Variants in HDHD2 observed in about 807,000 individuals in gnomAD.
HDHD2 encodes haloacid dehalogenase-like hydrolase domain-containing protein 2.
HDHD2 carries 26 observed loss-of-function variants against 24.8 expected under a neutral mutation model. That is an observed-to-expected ratio of 1.05 (90% CI 0.77 to 1.45). The LOEUF is 1.45. Ranked by LOEUF, HDHD2 falls within the 40% of genes most tolerant of loss-of-function variation. The pLI, the probability that HDHD2 is intolerant of heterozygous loss-of-function variation, is 0.00. For missense variants in HDHD2, 299 were observed against 313.4 expected (o/e 0.95, Z 0.35); for synonymous variants, 128 against 114.9 (o/e 1.11, Z -0.73).
At chr18:47,148,179 C>T (rs745736673) in intron 1 of HDHD2, among the ~76,000 whole-genome samples, 3 of 151,982 alleles carry the variant, frequency 2.0e-5, no homozygotes, top group East Asian at 1.9e-4. Flanking sequence ...TTAGTAGAGA[C>T]GGGGTTTCAC....
At chr18:47,120,274 G>T (rs2063593557) in intron 4 of HDHD2, among the ~76,000 whole-genome samples, 1 of 152,200 alleles carries the variant, frequency 6.6e-6, no homozygotes, top group Non-Finnish European at 1.5e-5. Context: ...CTTCATCAAT[G>T]ATCTTAGCTA....
rs113977677 is a variant in HDHD2 at position 47,134,664 on chromosome 18, T to C, written c.142A>G (p.Thr48Ala). 1 of 1,614,164 alleles carries C rather than the reference T, an allele frequency of 6.2e-7. No individual in the cohort carries two copies. Among genetic ancestry groups the C allele is most frequent in the Non-Finnish European group, 8.5e-7 (1 of 1,180,006 alleles). ...AGGTCTTGCTTGCTCTCTTTGGTTG[T>C]ATTGGTCACAAACCTAATGATTACA... Reference protein sequence around the residue: ...ASVIIRFVTNTTKESKQDLLE... With the variant: ...ASVIIRFVTNATKESKQDLLE... Residue 48 changes from threonine (T) to alanine (A), a missense_variant, in exon 3 of 7, where the codon ACA becomes GCA. Transcript: ENST00000300605.
rs1031614789 is a variant in HDHD2 at position 47,108,071 on chromosome 18, C to T, written c.*611G>A. ...AATCTGGTTCTAAATTTAAATTAGT[C>T]ATCTCTGGCTAATGAAGAGAAAAAG... is the stretch of plus-strand genomic sequence containing the variant. On this transcript the variant is annotated 3_prime_UTR_variant, in exon 7 of 7. Coordinates refer to ENST00000300605, the MANE Select transcript of HDHD2 (RefSeq NM_032124.5). 5.2e-5 allele frequency: 8 copies of T among 152,620 alleles called. No individual in the cohort carries two copies. The highest frequency in any genetic ancestry group is 2.9e-5 in the Non-Finnish European group (2 of 68,040). 9.5% of individuals were successfully genotyped at this position (152,620 alleles called of 1,614,324 possible). A position where few individuals can be genotyped will look rare whatever the true frequency, so the allele number is the denominator to read the frequency against.
At chr18:47,137,359 T>A in intron 1 of HDHD2, 1 of 319,390 alleles carries the variant, frequency 3.1e-6, no homozygotes, top group Non-Finnish European at 6.0e-6. Context: ...AAGCTTACAT[T>A]CTCAATCAGA....
At chr18:47,122,889 T>A (rs56158609) in intron 4 of HDHD2, among the ~76,000 whole-genome samples, 1,743 of 147,112 alleles carry the variant, frequency 0.012, 11 homozygotes, top group African/African-American at 0.022. Flanking sequence ...AATCAGAATT[T>A]AAAAAAAAAA....
At chr18:47,134,767 C>G (rs2063747854) in intron 2 of HDHD2, 63 bp from the exon 3 acceptor site, 7 of 1,345,054 alleles carry the variant, frequency 5.2e-6, no homozygotes, top group Non-Finnish European at 7.3e-6. Flanking sequence ...ATAAAATCTC[C>G]TAATTTGTTA....
chr18:47,110,036 C>T (rs1462066580), intron 6 of HDHD2: 13 of 985,272 alleles, frequency 1.3e-5, no homozygotes, highest in Non-Finnish European at 8.4e-6. Context: ...TGCCTCTGCC[C>T]TTCACCTTTC....
At chr18:47,145,392 T>C (rs1451365411) in intron 1 of HDHD2, among the ~76,000 whole-genome samples, 1 of 152,204 alleles carries the variant, frequency 6.6e-6, no homozygotes, top group East Asian at 1.9e-4. Context: ...GGTCTTGTAA[T>C]TAATTAAAAT....
intron 1 of HDHD2, among the ~76,000 whole-genome samples, chr18:47,137,974 G>A (rs558661067): frequency 2.0e-4 from 31 of 151,518 alleles, no homozygotes; most frequent in African/African-American, 6.5e-4. Context: ...CGAGACCAGC[G>A]TGGTAAAACC....
At chr18:47,147,990 C>CTTTTTTTT (rs11390608) in intron 1 of HDHD2, among the ~76,000 whole-genome samples, 1 of 137,996 alleles carries the variant, frequency 7.2e-6, no homozygotes, top group African/African-American at 2.7e-5. Flanking sequence ...TTTTTTCTTT[C>CTTTTTTTT]TTTTTTTTTT....
intron 3 of HDHD2, among the ~76,000 whole-genome samples, chr18:47,131,091 C>T (rs1355219022): frequency 2.6e-5 from 4 of 152,134 alleles, no homozygotes; most frequent in Non-Finnish European, 5.9e-5. Flanking sequence ...ATTCTCCTGC[C>T]TCAGCCTCCA....
At chr18:47,148,603 TC>T (rs1475373549) in intron 1 of HDHD2, among the ~76,000 whole-genome samples, 1 of 152,202 alleles carries the variant, frequency 6.6e-6, no homozygotes, top group African/African-American at 2.4e-5. Flanking sequence ...GGCATCTCAA[TC>T]CAAGTCCTTT....
In HDHD2 at chr18:47,134,683, G is replaced by T; in HGVS notation, c.123C>A (p.Ile41=). The change falls in exon 3 of 7, where the codon ATC becomes ATA. Residue 41 remains isoleucine (I), a synonymous_variant. Transcript: ENST00000300605. ...TGGTTGTATTGGTCACAAACCTAAT[G>T]ATTACAGAAGCACCACGTAACCTGG... ...ALKRLRGASV[I]IRFVTNTTKE... The T allele has an allele frequency of 6.2e-7, 1 of 1,614,082 alleles. No individual in the cohort carries two copies. Among genetic ancestry groups the T allele is most frequent in the Non-Finnish European group, 8.5e-7 (1 of 1,179,968 alleles).
rs1490316649 is a variant in HDHD2, at chr18:47,108,010, G to T, written c.*672C>A. 6.6e-6 allele frequency: 1 copy of T among 152,636 alleles called. No individual in the cohort carries two copies. Among genetic ancestry groups the T allele is most frequent in the African/African-American group, 2.4e-5 (1 of 41,438 alleles). The allele number at this position is 152,636 out of a possible 1,614,324, so 9.5% of individuals were successfully genotyped here. On this transcript the variant is annotated 3_prime_UTR_variant, in exon 7 of 7. Transcript: ENST00000300605. Reference sequence around the variant, plus strand: ...ACACAGTATAATAGGTATCTGCAATGAATAGGTTATTAATGGAAATATTAA... The same window carrying T: ...ACACAGTATAATAGGTATCTGCAATTAATAGGTTATTAATGGAAATATTAA...
chr18:47,121,553 A>G (rs2063607264), intron 4 of HDHD2, among the ~76,000 whole-genome samples: 1 of 152,080 alleles, frequency 6.6e-6, no homozygotes. Context: ...TTGACCTATT[A>G]CTCCAATCCA....
intron 1 of HDHD2, among the ~76,000 whole-genome samples, chr18:47,144,799 C>CAAAAAAAA (rs200234127): frequency 1.6e-5 from 1 of 61,244 alleles, no homozygotes; most frequent in Non-Finnish European, 3.3e-5. Flanking sequence ...GACCCTGTCT[C>CAAAAAAAA]AAAAAAAAAA....
chr18:47,119,463 C>T (rs573402215), intron 4 of HDHD2, among the ~76,000 whole-genome samples: 1 of 152,204 alleles, frequency 6.6e-6, no homozygotes, highest in Non-Finnish European at 1.5e-5. Context: ...TTTCTTTGTT[C>T]ATCCAAAAGA....
intron 5 of HDHD2, among the ~76,000 whole-genome samples, chr18:47,113,825 C>A (rs1471146770): frequency 1.3e-5 from 2 of 151,946 alleles, no homozygotes; most frequent in African/African-American, 4.8e-5. Flanking sequence ...ATGTCAAAAT[C>A]CTGATTCAAG....
At chr18:47,121,538 T>C (rs909041032) in intron 4 of HDHD2, among the ~76,000 whole-genome samples, 9 of 152,224 alleles carry the variant, frequency 5.9e-5, no homozygotes, top group African/African-American at 2.2e-4. Flanking sequence ...TCCTGCATTT[T>C]TCTCTTGACC....
Sources: gnomAD v4.1 joint callset for allele counts (sites outside exome capture counted in the v4.1 genomes callset) on GRCh38, gnomAD v4.1.1 for gene constraint, MANE v1.5 for transcripts, NCBI Gene and HGNC (gene_info 2026-07-23, HGNC 2026-07-21) for gene names.